Variants in PRDM16 observed in about 807,000 individuals in gnomAD.
PRDM16 encodes histone-lysine N-methyltransferase PRDM16.
PRDM16 carries 23 observed loss-of-function variants against 110.6 expected under a neutral mutation model. The ratio of observed to expected loss-of-function variants is 0.21; its 90% CI spans 0.15 to 0.29. The LOEUF (loss-of-function observed/expected upper bound fraction) is 0.29, where lower values mean the gene tolerates loss of function less well. PRDM16 is among the 10% of genes least tolerant of loss of function. The probability of loss-of-function intolerance (pLI) is 1.00; values close to 1 mark genes in which losing one functional copy is unlikely to be tolerated. For missense variants in PRDM16, 1,615 were observed against 1,794.3 expected, an observed-to-expected ratio of 0.90 and a Z score of 1.81; for synonymous variants, 799 against 781.8, an observed-to-expected ratio of 1.02 and a Z score of -0.37.
chr1:3,338,144 T>G (rs1306102675), intron 3 of PRDM16, among the ~76,000 whole-genome samples: 2 of 152,256 alleles, frequency 1.3e-5, no homozygotes, highest in African/African-American at 4.8e-5. Flanking sequence ...ATTTATTCCA[T>G]TCTCATCCTT....
chr1:3,399,584 G>T (rs1174601434), intron 5 of PRDM16, among the ~76,000 whole-genome samples: 1 of 152,190 alleles, frequency 6.6e-6, no homozygotes, highest in Admixed American at 6.5e-5. Flanking sequence ...TGGGGTTGGG[G>T]AGCAGCAGGG....
intron 8 of PRDM16, among the ~76,000 whole-genome samples, chr1:3,409,982 C>T (rs754872385): frequency 9.6e-5 from 4 of 41,530 alleles, no homozygotes; most frequent in Admixed American, 3.6e-4. Flanking sequence ...TGTGTGTTTG[C>T]ATGGGGGGGT....
rs561355055 is a variant in PRDM16, at chr1:3,238,302, C to T, written c.388-5785C>T. The stretch of plus-strand genomic sequence containing the variant: ...GTAGAGACCTCTGTGCATTTCAGGA[C>T]GGGCTCTCCAGAGCCCAGGGTCCTT... On this transcript the variant is annotated intron_variant, in intron 2 of 16. Transcript: ENST00000270722. Among the ~76,000 whole-genome samples, 155 of 152,200 alleles carry T rather than the reference C, an allele frequency of 1.0e-3. 2 individuals carry two copies. The South Asian group carries it at 0.016, about 16-fold the overall frequency.
rs189493151 is a variant in PRDM16, at chr1:3,364,709, C to T, written c.439-20443C>T. ...CCCACTCAGCTGCGCGGGGGACAGG[C>T]GGGCCTTATGGAAACCAGAGGCAGA... is the stretch of plus-strand genomic sequence containing the variant. On this transcript the variant is annotated intron_variant, in intron 3 of 16. Transcript: ENST00000270722. Among the ~76,000 whole-genome samples the T allele has an allele frequency of 2.6e-5, 4 of 152,340 alleles. No individual in the cohort carries two copies. The South Asian group carries it at 6.2e-4, about 24-fold the overall frequency.
intron 3 of PRDM16, among the ~76,000 whole-genome samples, chr1:3,318,709 A>G (rs1343062818): frequency 1.3e-5 from 2 of 152,346 alleles, no homozygotes; most frequent in East Asian, 3.9e-4. Flanking sequence ...TAAGGTAGCA[A>G]ATCTCAGCAA....
chr1:3,415,336 TG>T (rs1643760883), intron 10 of PRDM16, among the ~76,000 whole-genome samples: 1 of 152,238 alleles, frequency 6.6e-6, no homozygotes, highest in East Asian at 1.9e-4. Flanking sequence ...CGCAGCGCCA[TG>T]GGCTGCACCT....
Position 3,360,660 on chromosome 1 carries a change from G to A in PRDM16, c.439-24492G>A, listed in dbSNP as rs536756355. Reference sequence around the variant, plus strand: ...CACTCTGATGCCCTCCCTAGGTCCCGTGGGGAGGAGAGAAGGCTACGTGGG... The same window carrying A: ...CACTCTGATGCCCTCCCTAGGTCCCATGGGGAGGAGAGAAGGCTACGTGGG... On this transcript the variant is annotated intron_variant, in intron 3 of 16. Transcript: ENST00000270722. Among the ~76,000 whole-genome samples, 9 of 152,362 alleles carry A rather than the reference G, an allele frequency of 5.9e-5. No homozygotes were observed. The South Asian group carries it at 6.2e-4, about 11-fold the overall frequency.
chr1:3,182,292 G>A (rs943350690), intron 1 of PRDM16, among the ~76,000 whole-genome samples: 4 of 152,258 alleles, frequency 2.6e-5, no homozygotes, highest in Admixed American at 2.0e-4. Context: ...GGGCTGCGGG[G>A]AAGGGGTCGT....
intron 2 of PRDM16, among the ~76,000 whole-genome samples, chr1:3,198,550 G>A (rs923090123): frequency 2.6e-5 from 4 of 152,194 alleles, no homozygotes; most frequent in Non-Finnish European, 4.4e-5. Context: ...CTTCTGGGAC[G>A]CGTGGGCAGC....
intron 14 of PRDM16, among the ~76,000 whole-genome samples, chr1:3,426,628 A>G (rs1638614994): frequency 6.6e-6 from 1 of 152,210 alleles, no homozygotes; most frequent in East Asian, 1.9e-4. Context: ...ACACACATAC[A>G]CATGTGTACA....
chr1:3,139,528 C>G (rs1298641823), intron 1 of PRDM16, among the ~76,000 whole-genome samples: 1 of 152,246 alleles, frequency 6.6e-6, no homozygotes, highest in Admixed American at 6.5e-5. Context: ...CTCAGCCCAG[C>G]AGTGCCGCAT....
chr1:3,292,030 C>T (rs970633345), intron 3 of PRDM16, among the ~76,000 whole-genome samples: 1 of 152,242 alleles, frequency 6.6e-6, no homozygotes, highest in Non-Finnish European at 1.5e-5. Flanking sequence ...TTGGGCTTGG[C>T]CGCAGGACCC....
At chr1:3,258,956 A>C (rs1640106302) in intron 3 of PRDM16, among the ~76,000 whole-genome samples, 1 of 152,238 alleles carries the variant, frequency 6.6e-6, no homozygotes, top group African/African-American at 2.4e-5. Flanking sequence ...AGCTGCAAAA[A>C]TAAAATGAGG....
At chr1:3,397,244 G>A (rs771606765) in intron 5 of PRDM16, among the ~76,000 whole-genome samples, 1 of 152,222 alleles carries the variant, frequency 6.6e-6, no homozygotes, top group African/African-American at 2.4e-5. Context: ...ATGCGGAGTC[G>A]CCCCGCTCTT....
intron 5 of PRDM16, among the ~76,000 whole-genome samples, chr1:3,399,400 C>T (rs1362406586): frequency 1.3e-5 from 2 of 152,140 alleles, no homozygotes; most frequent in African/African-American, 4.8e-5. Context: ...ATAAACTATG[C>T]CCCCGTTTCT....
chr1:3,339,085 G>A lies in PRDM16; in HGVS notation c.439-46067G>A, dbSNP rs1642218928. ...GCAGCTTCAAGGCGATCGATGGGGA[G>A]CTTCCGTGCACTCCCCTCTCTGGCC... On this transcript the variant is annotated intron_variant, in intron 3 of 16. Transcript: ENST00000270722. This position sits in a 1 kb window ranked among gnomAD's most constrained non-coding sequence, Gnocchi z 5.0. 2.0e-5 allele frequency among the ~76,000 whole-genome samples: 3 copies of A among 152,162 alleles called. No homozygotes were observed. The highest frequency in any genetic ancestry group is 4.4e-5 in the Non-Finnish European group (3 of 68,028).
chr1:3,354,620 G>A (rs1047717389), intron 3 of PRDM16, among the ~76,000 whole-genome samples: 2 of 152,144 alleles, frequency 1.3e-5, no homozygotes, highest in Non-Finnish European at 2.9e-5. Context: ...CCTTCTCCAG[G>A]CTGGGGTGTC....
intron 1 of PRDM16, among the ~76,000 whole-genome samples, chr1:3,181,806 A>ATG (rs199632134): frequency 7.2e-4 from 95 of 132,352 alleles, no homozygotes; most frequent in African/African-American, 9.0e-4. Context: ...AGTCTTACAC[A>ATG]CGGTCTTACA....
In PRDM16 at chr1:3,080,953, C is replaced by T. The variant is rs986427898; in HGVS notation, c.37+11657C>T. ...GAGTGTGTGTGTGTAGAGGGGGTGG[C>T]GGGGCGGGGGGGGTCTGCACATTCC... On this transcript the variant is annotated intron_variant, in intron 1 of 16. Coordinates refer to ENST00000270722, the MANE Select transcript of PRDM16 (RefSeq NM_022114.4). The surrounding 1 kb of genome is among the most constrained non-coding windows in gnomAD (Gnocchi z 5.2). Among the ~76,000 whole-genome samples the T allele has an allele frequency of 2.0e-5, 3 of 149,210 alleles. No individual in the cohort carries two copies. The highest frequency in any genetic ancestry group is 2.2e-4 in the South Asian group (1 of 4,540).
Sources: allele counts gnomAD v4.1 joint callset (sites outside exome capture counted in the v4.1 genomes callset), GRCh38; gene constraint gnomAD v4.1.1; non-coding constraint Gnocchi (gnomAD v3.1); transcripts MANE v1.5; gene names NCBI Gene and HGNC (gene_info 2026-07-23, HGNC 2026-07-21).